SPMIP2: variants seen among roughly 807,000 people sequenced by gnomAD.
The protein encoded by SPMIP2 is sperm microtubule inner protein 2, also known as protein SPMIP2.
the SPMIP2 span, among the ~76,000 whole-genome samples, chr4:158,920,807 G>C: frequency 1.3e-5 from 2 of 152,202 alleles, no homozygotes; most frequent in African/African-American, 4.8e-5. Flanking sequence ...CCTTTGGCCT[G>C]TTCCCTCAGA....
the SPMIP2 span, among the ~76,000 whole-genome samples, chr4:158,962,193 A>G: frequency 6.6e-6 from 1 of 152,206 alleles, no homozygotes; most frequent in Admixed American, 6.5e-5. Context: ...AATTGCAGAC[A>G]TTTGGGGCAC....
chr4:158,992,012 C>A, the SPMIP2 span, among the ~76,000 whole-genome samples: 1 of 152,182 alleles, frequency 6.6e-6, no homozygotes. Flanking sequence ...CTGACTCAGC[C>A]TCTCGAGTAG....
chr4:159,024,686 T>C, the SPMIP2 span, among the ~76,000 whole-genome samples: 1 of 152,234 alleles, frequency 6.6e-6, no homozygotes, highest in Non-Finnish European at 1.5e-5. Context: ...TGTAAACTAA[T>C]GAAGTTTATA....
chr4:159,062,535 T>C, the SPMIP2 span, among the ~76,000 whole-genome samples: 1 of 152,184 alleles, frequency 6.6e-6, no homozygotes, highest in African/African-American at 2.4e-5. Context: ...TTCCATTCAC[T>C]CTTTCTTTTA....
At chr4:158,945,677 C>T in the SPMIP2 span, among the ~76,000 whole-genome samples, 18 of 152,294 alleles carry the variant, frequency 1.2e-4, no homozygotes, top group Non-Finnish European at 2.2e-4. Context: ...AGTTGGGAAA[C>T]CACACCAGCC....
the SPMIP2 span, among the ~76,000 whole-genome samples, chr4:159,039,968 A>T: frequency 6.6e-6 from 1 of 152,230 alleles, no homozygotes; most frequent in African/African-American, 2.4e-5. Context: ...TATATAGCAG[A>T]GATATATCTC....
the SPMIP2 span, among the ~76,000 whole-genome samples, chr4:159,048,075 T>C: frequency 1.3e-5 from 2 of 152,226 alleles, no homozygotes; most frequent in South Asian, 4.1e-4. Context: ...AGCGATGTTT[T>C]GCAGTCTGTA....
At chr4:159,043,514 A>AT in the SPMIP2 span, among the ~76,000 whole-genome samples, 1 of 151,918 alleles carries the variant, frequency 6.6e-6, no homozygotes, top group Non-Finnish European at 1.5e-5. Context: ...TGCCTGGCTA[A>AT]TTTTTTGTAT....
At chr4:158,936,065 A>G in the SPMIP2 span, among the ~76,000 whole-genome samples, 3 of 152,238 alleles carry the variant, frequency 2.0e-5, no homozygotes, top group Non-Finnish European at 4.4e-5. Context: ...GGATCAAAAC[A>G]GATGGTTATT....
At chr4:158,973,350 T>G in the SPMIP2 span, 1 of 1,281,248 alleles carries the variant, frequency 7.8e-7, no homozygotes, top group Non-Finnish European at 1.1e-6. Context: ...TCTCCACACT[T>G]TATTCTAAGA....
At chr4:158,958,734 C>T in the SPMIP2 span, among the ~76,000 whole-genome samples, 1 of 152,108 alleles carries the variant, frequency 6.6e-6, no homozygotes, top group East Asian at 1.9e-4. Context: ...AGTCAGGGCC[C>T]TATTCAAAAG....
At chr4:159,037,208 T>C in the SPMIP2 span, among the ~76,000 whole-genome samples, 1 of 152,186 alleles carries the variant, frequency 6.6e-6, no homozygotes, top group African/African-American at 2.4e-5. Context: ...GACATTCTGA[T>C]GGCAAAGGCT....
At chr4:158,951,908 G>T in the SPMIP2 span, among the ~76,000 whole-genome samples, 1 of 152,182 alleles carries the variant, frequency 6.6e-6, no homozygotes, top group Non-Finnish European at 1.5e-5. Flanking sequence ...GAAGAAAAAG[G>T]GGAAAAGGCT....
the SPMIP2 span, among the ~76,000 whole-genome samples, chr4:158,971,387 AC>A: frequency 2.0e-5 from 3 of 152,080 alleles, no homozygotes; most frequent in African/African-American, 4.8e-5. Context: ...CAGTTTAAGA[AC>A]CTAAGCATTC....
At chr4:158,975,531 C>T in the SPMIP2 span, among the ~76,000 whole-genome samples, 1 of 152,150 alleles carries the variant, frequency 6.6e-6, no homozygotes, top group Non-Finnish European at 1.5e-5. Flanking sequence ...AGCCAGTTTT[C>T]CTAACACCAT....
the SPMIP2 span, among the ~76,000 whole-genome samples, chr4:158,912,746 A>C: frequency 6.6e-6 from 1 of 152,232 alleles, no homozygotes; most frequent in African/African-American, 2.4e-5. Context: ...GGACAGTCCA[A>C]AAAATGGATT....
chr4:159,074,685 G>A, the SPMIP2 span, among the ~76,000 whole-genome samples: 5 of 152,150 alleles, frequency 3.3e-5, no homozygotes, highest in African/African-American at 1.2e-4. Context: ...TGGAGCACAT[G>A]TTTTACAATC....
the SPMIP2 span, among the ~76,000 whole-genome samples, chr4:158,996,114 T>C: frequency 6.6e-6 from 1 of 152,186 alleles, no homozygotes; most frequent in Non-Finnish European, 1.5e-5. Flanking sequence ...AGCAAATGCA[T>C]AGTAATATTT....
chr4:159,009,583 A>C, the SPMIP2 span, among the ~76,000 whole-genome samples: 1 of 152,192 alleles, frequency 6.6e-6, no homozygotes, highest in Non-Finnish European at 1.5e-5. Context: ...AACAAAGGAC[A>C]CCAAGCTGCT....
Sources: gnomAD v4.1 joint callset for allele counts (sites outside exome capture counted in the v4.1 genomes callset) on GRCh38, gnomAD v4.1.1 for gene constraint, MANE v1.5 for transcripts, NCBI Gene and HGNC (gene_info 2026-07-23, HGNC 2026-07-21) for gene names.